Variants in KLRG1 observed in about 807,000 individuals in gnomAD.
KLRG1 encodes the protein killer cell lectin-like receptor subfamily G member 1.
KLRG1 carries 16 observed loss-of-function variants against 21.8 expected under a neutral mutation model. The observed-to-expected ratio is 0.73, with a 90% confidence interval of 0.50 to 1.11. The LOEUF (loss-of-function observed/expected upper bound fraction) is 1.11. Ranked by LOEUF, KLRG1 falls within the 50% of genes most tolerant of loss-of-function variation. KLRG1 has a pLI of 0.00. For missense variants in KLRG1, 173 were observed against 218.3 expected (o/e 0.79, Z 1.31); for synonymous variants, 69 against 75.9 (o/e 0.91, Z 0.47).
chr12:9,086,565 GAAAAAGTATT>G, the KLRG1 span, among the ~76,000 whole-genome samples: 2 of 152,162 alleles, frequency 1.3e-5, no homozygotes, highest in Non-Finnish European at 2.9e-5. Context: ...GTTAGATGGA[GAAAAAGTATT>G]TGACAGAATT....
At position 9,010,101 on chromosome 12, in the gene KLRG1, G is replaced by C. The variant is rs761294179; in HGVS notation, c.*564G>C. ...TTTGGGAAGCTGAGGTGGGAGGGTC[G>C]CTTGAGCCCAGGAGTTTGAGGCTGC... is the stretch of plus-strand genomic sequence containing the variant. On this transcript the variant is annotated 3_prime_UTR_variant, in exon 5 of 5. Transcript: ENST00000356986. 6.4e-6 allele frequency: 8 copies of C among 1,252,484 alleles called. No individual in the cohort carries two copies. The highest frequency in any genetic ancestry group is 1.5e-5 in the African/African-American group (1 of 67,118). The allele number at this position is 1,252,484 out of a possible 1,614,324, so 77.6% of individuals were successfully genotyped here.
At chr12:9,190,749 TA>T in the KLRG1 span, among the ~76,000 whole-genome samples, 33 of 152,202 alleles carry the variant, frequency 2.2e-4, no homozygotes, top group Non-Finnish European at 2.6e-4. Context: ...TTTCATTATT[TA>T]AAATCTCAAT....
chr12:9,035,087 T>G, the KLRG1 span, among the ~76,000 whole-genome samples: 16 of 152,142 alleles, frequency 1.1e-4, no homozygotes, highest in Admixed American at 3.3e-4. Context: ...AAGAAAATAT[T>G]TTTGTATAGC....
At chr12:9,095,791 C>T in the KLRG1 span, 9 of 1,175,092 alleles carry the variant, frequency 7.7e-6, no homozygotes, top group African/African-American at 9.9e-5. Flanking sequence ...CTCGCTCTGT[C>T]GCCCAGGCCG....
chr12:8,989,573 C>A lies in KLRG1; in HGVS notation c.-63C>A. On this transcript the variant is annotated 5_prime_UTR_variant, in exon 1 of 5. Coordinates refer to ENST00000356986, the MANE Select transcript of KLRG1 (RefSeq NM_005810.4). ...AGATTGGGCTGTTTCCTCACTGATA[C>A]ATATCCCTTCACACTTCTATAATTT... is the stretch of plus-strand genomic sequence containing the variant. 1 of 1,025,212 alleles carries A rather than the reference C, an allele frequency of 9.8e-7. No individual in the cohort carries two copies. Among genetic ancestry groups the A allele is most frequent in the Non-Finnish European group, 1.5e-6 (1 of 663,114 alleles). 63.5% of individuals were successfully genotyped at this position (1,025,212 alleles called of 1,614,324 possible). A position where few individuals can be genotyped will look rare whatever the true frequency, so the allele number is the denominator to read the frequency against.
chr12:9,200,918 T>C, the KLRG1 span: 6 of 1,613,806 alleles, frequency 3.7e-6, no homozygotes. Flanking sequence ...GAAGGGGTGC[T>C]GTATCCTTCC....
chr12:9,169,660 GAAAT>G, the KLRG1 span: 1 of 1,363,732 alleles, frequency 7.3e-7, no homozygotes, highest in Non-Finnish European at 9.7e-7. Context: ...TGAACTGAGA[GAAAT>G]AAAATAATTA....
chr12:9,122,260 A>T, the KLRG1 span, among the ~76,000 whole-genome samples: 27 of 152,318 alleles, frequency 1.8e-4, no homozygotes, highest in Non-Finnish European at 3.1e-4. Context: ...CCTTTGATGA[A>T]CAGAAAATAA....
chr12:9,139,601 A>C, the KLRG1 span, among the ~76,000 whole-genome samples: 1 of 152,158 alleles, frequency 6.6e-6, no homozygotes, highest in African/African-American at 2.4e-5. Context: ...TTATATATTT[A>C]GGTGTTCTAC....
At chr12:9,143,369 G>A in the KLRG1 span, among the ~76,000 whole-genome samples, 7 of 152,136 alleles carry the variant, frequency 4.6e-5, no homozygotes, top group Non-Finnish European at 2.9e-5. Context: ...GGTGGAGAAG[G>A]AGGAAGAGTG....
chr12:9,158,627 C>T, the KLRG1 span: 2 of 1,587,396 alleles, frequency 1.3e-6, no homozygotes, highest in East Asian at 4.5e-5. Flanking sequence ...GAGCACTTTA[C>T]TGCTCTGTTT....
chr12:8,952,356 T>C (rs1281255798), intron 1 of KLRG1, among the ~76,000 whole-genome samples: 1 of 152,226 alleles, frequency 6.6e-6, no homozygotes. Context: ...CATGCCCAGC[T>C]AATCTTTGTA....
At chr12:9,202,503 A>G in the KLRG1 span, 1 of 1,613,712 alleles carries the variant, frequency 6.2e-7, no homozygotes. Context: ...GTTGCCCCAA[A>G]CAGTGGAATT....
downstream of KLRG1, among the ~76,000 whole-genome samples, chr12:9,015,580 C>G (rs1266937790): frequency 6.6e-6 from 1 of 152,208 alleles, no homozygotes; most frequent in Non-Finnish European, 1.5e-5. Context: ...CAACACCCCA[C>G]TCTCAGCATT....
the KLRG1 span, among the ~76,000 whole-genome samples, chr12:9,051,938 GTTCCTTCGTTTCCCACCAA>G: frequency 6.6e-6 from 1 of 152,184 alleles, no homozygotes; most frequent in Non-Finnish European, 1.5e-5. Flanking sequence ...GATGTTCTCT[GTTCCTTCGTTTCCCACCAA>G]ATACAGCACT....
chr12:9,197,149 A>C, the KLRG1 span: 1 of 1,482,486 alleles, frequency 6.7e-7, no homozygotes, highest in Non-Finnish European at 9.4e-7. Flanking sequence ...TAAATCAGGA[A>C]TTGAGAATGG....
intron 3 of KLRG1, among the ~76,000 whole-genome samples, chr12:9,005,235 A>G (rs768103200): frequency 2.6e-5 from 4 of 152,114 alleles, no homozygotes; most frequent in Non-Finnish European, 4.4e-5. Flanking sequence ...GATAGCACTA[A>G]GAGAAATACC....
the KLRG1 span, among the ~76,000 whole-genome samples, chr12:9,201,850 A>T: frequency 2.0e-5 from 3 of 152,122 alleles, no homozygotes; most frequent in Non-Finnish European, 4.4e-5. Flanking sequence ...ATTGAAGGTA[A>T]GTTGAAAAAA....
At chr12:9,156,080 G>C in the KLRG1 span, 30 of 230,638 alleles carry the variant, frequency 1.3e-4, no homozygotes, top group African/African-American at 6.7e-4. Flanking sequence ...TGCTTGATTT[G>C]TTCTGCAGCT....
Sources: gnomAD v4.1 joint callset for allele counts (sites outside exome capture counted in the v4.1 genomes callset) on GRCh38, gnomAD v4.1.1 for gene constraint, MANE v1.5 for transcripts, NCBI Gene and HGNC (gene_info 2026-07-23, HGNC 2026-07-21) for gene names.